The following PRKG1 variants were observed in gnomAD, a reference collection of about 807,000 sequenced individuals.
PRKG1 encodes protein kinase cGMP-dependent 1.
PRKG1 carries 35 observed loss-of-function variants against 88.1 expected under a neutral mutation model. The observed-to-expected ratio is 0.40, with a 90% CI of 0.30 to 0.53. The LOEUF is 0.53. Among genes scored for constraint, PRKG1 ranks in the 20% least tolerant of loss-of-function variants. PRKG1 has a pLI of 0.59. For synonymous variants in PRKG1, 303 were observed against 292.5 expected (o/e 1.04, Z -0.37); for missense variants, 540 against 839.8 (o/e 0.64, Z 4.41).
Position 51,451,562 on chromosome 10 carries a change from G to A in PRKG1, c.479-16161G>A, listed in dbSNP as rs192869323. Among the ~76,000 whole-genome samples, 15 of 151,990 alleles carry A rather than the reference G, an allele frequency of 9.9e-5. No homozygotes were observed. The East Asian group carries it at 2.7e-3, about 27-fold the overall frequency. Reference sequence around the variant, plus strand: ...ACTAGACACACATAGCTAGCAATATGAATTTGACTCCAGAGAAACCAGTTT... The same window carrying A: ...ACTAGACACACATAGCTAGCAATATAAATTTGACTCCAGAGAAACCAGTTT... On this transcript the variant is annotated intron_variant, in intron 2 of 17. Coordinates refer to ENST00000373980, the MANE Select transcript of PRKG1 (RefSeq NM_006258.4).
chr10:51,455,468 A>C (rs1486240691), intron 2 of PRKG1, among the ~76,000 whole-genome samples: 1 of 152,182 alleles, frequency 6.6e-6, no homozygotes, highest in Non-Finnish European at 1.5e-5. Context: ...GTCAGGGTGC[A>C]AATTTTCTGC....
At chr10:51,371,962 G>GT (rs34066797) in intron 2 of PRKG1, among the ~76,000 whole-genome samples, 57,421 of 151,938 alleles carry the variant, frequency 0.38, 11,031 homozygotes, top group South Asian at 0.47. Flanking sequence ...GTCCCCTGCT[G>GT]TAAGAGTTTC....
intron 3 of PRKG1, among the ~76,000 whole-genome samples, chr10:51,682,537 T>C (rs1434908154): frequency 1.3e-5 from 2 of 152,194 alleles, no homozygotes; most frequent in Admixed American, 1.3e-4. Flanking sequence ...ATGTGGCTCC[T>C]AGAGTTTCCA....
At chr10:52,078,154 T>C (rs1203262871) in intron 7 of PRKG1, among the ~76,000 whole-genome samples, 1 of 152,216 alleles carries the variant, frequency 6.6e-6, no homozygotes, top group Admixed American at 6.5e-5. Context: ...CCTACATCCA[T>C]ATGCACTTAA....
intron 3 of PRKG1, among the ~76,000 whole-genome samples, chr10:51,588,970 G>T (rs1211243532): frequency 1.3e-5 from 2 of 151,948 alleles, no homozygotes; most frequent in African/African-American, 2.4e-5. Flanking sequence ...ATAAAAATTT[G>T]CATGCAGCTG....
intron 2 of PRKG1, among the ~76,000 whole-genome samples, chr10:51,314,432 A>G (rs922882794): frequency 6.6e-6 from 1 of 152,216 alleles, no homozygotes; most frequent in Non-Finnish European, 1.5e-5. Flanking sequence ...AAGGTCTTAC[A>G]AAAGATTTCT....
intron 5 of PRKG1, among the ~76,000 whole-genome samples, chr10:52,036,516 G>A (rs12571104): frequency 0.38 from 56,625 of 150,206 alleles, 11,035 homozygotes; most frequent in East Asian, 0.5. Context: ...GGATATTGGC[G>A]TTGAGTGGGG....
At chr10:51,753,089 G>A (rs139801671) in intron 3 of PRKG1, among the ~76,000 whole-genome samples, 1 of 152,172 alleles carries the variant, frequency 6.6e-6, no homozygotes, top group Admixed American at 6.5e-5. Flanking sequence ...ACTTGGCAGT[G>A]TACAATTCTT....
At chr10:52,130,372 T>C (rs1299239207) in intron 7 of PRKG1, among the ~76,000 whole-genome samples, 1 of 152,218 alleles carries the variant, frequency 6.6e-6, no homozygotes, top group African/African-American at 2.4e-5. Context: ...CATTCAACTT[T>C]AAAAGTATAT....
intron 7 of PRKG1, chr10:52,081,540 A>G (rs1423813443): frequency 1.3e-5 from 6 of 454,924 alleles, no homozygotes; most frequent in Admixed American, 1.2e-4. Context: ...ACATATCTTA[A>G]TTTGATTGAT....
intron 2 of PRKG1, among the ~76,000 whole-genome samples, chr10:51,256,129 T>A (rs980711313): frequency 6.6e-6 from 1 of 152,124 alleles, no homozygotes; most frequent in East Asian, 1.9e-4. Context: ...GAAAAACAGC[T>A]GAAACAAACC....
At chr10:51,736,417 G>A (rs1221693283) in intron 3 of PRKG1, among the ~76,000 whole-genome samples, 1 of 152,050 alleles carries the variant, frequency 6.6e-6, no homozygotes. Flanking sequence ...TGCCCAGTTG[G>A]ATACTTTTAT....
intron 3 of PRKG1, among the ~76,000 whole-genome samples, chr10:51,527,089 A>G (rs902033469): frequency 3.3e-5 from 5 of 152,242 alleles, no homozygotes; most frequent in Non-Finnish European, 5.9e-5. Context: ...CAATAAAACT[A>G]GAATTTGAAT....
chr10:52,128,239 G>C lies in PRKG1; in HGVS notation c.936-5601G>C, dbSNP rs910636645. 4.1e-6 allele frequency: 4 copies of C among 985,308 alleles called. No individual in the cohort carries two copies. The African/African-American group carries it at 7.0e-5, about 17-fold the overall frequency. 61.0% of individuals were successfully genotyped at this position (985,308 alleles called of 1,614,324 possible). ...GTTTCCATGAAGGCTGGCACTGAGA[G>C]AGTGCTGGGACTCTGTGGACAGCAG... On this transcript the variant is annotated intron_variant, in intron 7 of 17. Transcript: ENST00000373980.
At chr10:52,084,509 G>T (rs754893553) in intron 7 of PRKG1, among the ~76,000 whole-genome samples, 1 of 151,846 alleles carries the variant, frequency 6.6e-6, no homozygotes, top group Non-Finnish European at 1.5e-5. Context: ...CAATTTCACC[G>T]GTTACTGACA....
chr10:51,938,534 G>A (rs1180149030), intron 5 of PRKG1, among the ~76,000 whole-genome samples: 1 of 151,956 alleles, frequency 6.6e-6, no homozygotes, highest in Non-Finnish European at 1.5e-5. Context: ...CTTCTTTAAA[G>A]TGATTGGAAA....
chr10:52,238,228 C>T lies in PRKG1; in HGVS notation c.1077-13342C>T, dbSNP rs1840744384. 6.6e-5 allele frequency among the ~76,000 whole-genome samples: 8 copies of T among 121,440 alleles called. No individual in the cohort carries two copies. In the South Asian group the frequency reaches 2.7e-3, roughly 41 times the overall value. 79.7% of individuals were successfully genotyped at this position (121,440 alleles called of 152,430 possible). A position where few individuals can be genotyped will look rare whatever the true frequency, so the allele number is the denominator to read the frequency against. On this transcript the variant is annotated intron_variant, in intron 9 of 17. Coordinates refer to ENST00000373980, the MANE Select transcript of PRKG1 (RefSeq NM_006258.4). ...AAACCATAAAAACCCTAGAAGAAAA[C>T]CTAGGCATTACCATTCAGGACATAG...
intron 1 of PRKG1, among the ~76,000 whole-genome samples, chr10:51,003,483 C>G (rs1298190218): frequency 6.6e-6 from 1 of 152,152 alleles, no homozygotes; most frequent in Non-Finnish European, 1.5e-5. Context: ...GAAAAAGTTT[C>G]TGTTTTGTGG....
chr10:51,941,458 T>C (rs1842904909), intron 5 of PRKG1, among the ~76,000 whole-genome samples: 1 of 151,906 alleles, frequency 6.6e-6, no homozygotes, highest in Non-Finnish European at 1.5e-5. Context: ...TATTTTATTT[T>C]ATTATTATTA....
Sources: gnomAD v4.1 joint callset for allele counts (sites outside exome capture counted in the v4.1 genomes callset) on GRCh38, gnomAD v4.1.1 for gene constraint, MANE v1.5 for transcripts, NCBI Gene and HGNC (gene_info 2026-07-23, HGNC 2026-07-21) for gene names.